CARMIL1: variants seen among roughly 807,000 people sequenced by gnomAD.
CARMIL1 encodes the protein capping protein regulator and myosin 1 linker 1.
Under a neutral mutation model 177.1 loss-of-function variants are expected in CARMIL1, and 90 were observed. The ratio of observed to expected loss-of-function variants is 0.51; its 90% confidence interval spans 0.43 to 0.61. The LOEUF is 0.61. Among genes scored for constraint, CARMIL1 ranks in the 20% least tolerant of loss-of-function variants. CARMIL1 has a pLI of 0.00. For synonymous variants in CARMIL1, 577 were observed against 606.2 expected, an observed-to-expected ratio of 0.95 and a Z score of 0.71; for missense variants, 1,380 against 1,667.0, an observed-to-expected ratio of 0.83 and a Z score of 3.00.
intron 2 of CARMIL1, among the ~76,000 whole-genome samples, chr6:25,418,307 T>A (rs1254572443): frequency 2.6e-5 from 4 of 152,196 alleles, no homozygotes; most frequent in African/African-American, 9.6e-5. Flanking sequence ...TCTCCCCTAA[T>A]TATATGACCT....
chr6:25,607,225 T>C (rs1437201342), intron 35 of CARMIL1, among the ~76,000 whole-genome samples: 1 of 149,090 alleles, frequency 6.7e-6, no homozygotes, highest in Non-Finnish European at 1.5e-5. Flanking sequence ...TTTTTTTTTT[T>C]TAATTTAACT....
intron 29 of CARMIL1, among the ~76,000 whole-genome samples, chr6:25,573,572 G>A (rs992920385): frequency 7.8e-4 from 112 of 142,822 alleles, no homozygotes; most frequent in Middle Eastern, 3.9e-3. Flanking sequence ...ATAAGAAAAC[G>A]GAGGGTTTAC....
chr6:25,463,087 A>G (rs1225192227), intron 8 of CARMIL1, among the ~76,000 whole-genome samples: 1 of 152,218 alleles, frequency 6.6e-6, no homozygotes, highest in Non-Finnish European at 1.5e-5. Flanking sequence ...AAGTTTGTTT[A>G]TATCATCCAT....
chr6:25,522,054 T>C (rs187698997), intron 23 of CARMIL1, among the ~76,000 whole-genome samples: 1 of 152,308 alleles, frequency 6.6e-6, no homozygotes, highest in Non-Finnish European at 1.5e-5. Context: ...TCCTCTATCA[T>C]TTCTTCCTTA....
intron 9 of CARMIL1, among the ~76,000 whole-genome samples, chr6:25,469,164 TAGAA>T (rs1412359959): frequency 1.3e-5 from 2 of 152,196 alleles, no homozygotes; most frequent in East Asian, 1.9e-4. Flanking sequence ...TGGGACACAT[TAGAA>T]ACCCAGCAAT....
intron 11 of CARMIL1, among the ~76,000 whole-genome samples, chr6:25,479,488 G>A (rs139816098): frequency 4.7e-4 from 71 of 152,130 alleles, no homozygotes; most frequent in Non-Finnish European, 9.1e-4. Context: ...ATAATTCAAC[G>A]CCTGTAAGAT....
At position 25,517,433 on chromosome 6, in the gene CARMIL1, T is replaced by C. The variant is rs1454527728; in HGVS notation, c.1874+18T>C. The stretch of plus-strand genomic sequence containing the variant: ...ATGGAAAAGTAAGTTTGAATTAGGA[T>C]TTCTTTCTAGGAAAATAAAAAAACA... On this transcript the variant is annotated intron_variant, in intron 22 of 36. Coordinates refer to ENST00000329474, the MANE Select transcript of CARMIL1 (RefSeq NM_017640.6). 2 of 1,605,048 alleles carry C rather than the reference T, an allele frequency of 1.2e-6. No individual in the cohort carries two copies. Among genetic ancestry groups the C allele is most frequent in the South Asian group, 2.2e-5 (2 of 90,782 alleles).
In CARMIL1 at chr6:25,581,290, A is replaced by G. The variant is rs758036934; in HGVS notation, c.2857A>G (p.Ile953Val). The G allele has an allele frequency of 5.0e-6, 8 of 1,613,862 alleles. No homozygotes were observed. The South Asian group carries it at 7.7e-5, about 16-fold the overall frequency. Residue 953 changes from isoleucine to valine, a missense_variant, in exon 31 of 37, where the codon ATC becomes GTC. By Grantham distance (29) the Ile-to-Val change is conservative (BLOSUM62 3). Transcript: ENST00000329474. ...AGCGCTGGAAGAGGTACCAATTCAC[A>G]TCGAAGACCCGCCCTTCCCATCCCT... The part of the protein sequence containing the change: ...DKALEEVPIH[I>V]EDPPFPSLRQ...
At chr6:25,502,046 C>T (rs949449126) in intron 17 of CARMIL1, among the ~76,000 whole-genome samples, 3 of 146,028 alleles carry the variant, frequency 2.1e-5, no homozygotes, top group South Asian at 2.2e-4. Flanking sequence ...ACTAACCTTG[C>T]GTTGTGGAAT....
At chr6:25,432,903 T>A (rs1485757168) in intron 4 of CARMIL1, 1 of 87,210 alleles carries the variant, frequency 1.1e-5, no homozygotes, top group African/African-American at 3.1e-5. Flanking sequence ...ATGGCTTATA[T>A]CTCTATTATT....
intron 8 of CARMIL1, among the ~76,000 whole-genome samples, chr6:25,459,277 T>TCTTTCTTTCCTTCCTTCCTTCCTTCC (rs1450322009): frequency 7.2e-6 from 1 of 139,594 alleles, no homozygotes; most frequent in Non-Finnish European, 1.6e-5. Context: ...TTTTTTTTTT[T>TCTTTCTTTCCTTCCTTCCTTCCTTCC]TTTAAGACAG....
chr6:25,596,587 G>T (rs909052517), intron 32 of CARMIL1, among the ~76,000 whole-genome samples: 3 of 151,802 alleles, frequency 2.0e-5, no homozygotes, highest in African/African-American at 7.3e-5. Context: ...TACTGTAACC[G>T]CTAACTTCTT....
intron 31 of CARMIL1, among the ~76,000 whole-genome samples, chr6:25,582,893 C>T (rs530377632): frequency 6.6e-6 from 1 of 152,272 alleles, no homozygotes; most frequent in East Asian, 1.9e-4. Context: ...AGTATGCCAA[C>T]CCTGTGAGTC....
At chr6:25,305,619 T>G (rs1360701794) in intron 2 of CARMIL1, among the ~76,000 whole-genome samples, 1 of 152,252 alleles carries the variant, frequency 6.6e-6, no homozygotes, top group Non-Finnish European at 1.5e-5. Flanking sequence ...TCCATGGCTT[T>G]TAGACCCTTA....
At chr6:25,312,925 A>C (rs2328852) in intron 2 of CARMIL1, among the ~76,000 whole-genome samples, 75,934 of 147,996 alleles carry the variant, frequency 0.51, 19,637 homozygotes, top group Middle Eastern at 0.56. Context: ...AAAAAAAAAA[A>C]AAAAAACCAG....
intron 2 of CARMIL1, among the ~76,000 whole-genome samples, chr6:25,320,278 C>T (rs1784582337): frequency 6.6e-6 from 1 of 152,078 alleles, no homozygotes; most frequent in Non-Finnish European, 1.5e-5. Context: ...GGTTCTTTGG[C>T]CACATCTACC....
At chr6:25,549,231 C>A (rs1809823586) in intron 26 of CARMIL1, among the ~76,000 whole-genome samples, 1 of 152,186 alleles carries the variant, frequency 6.6e-6, no homozygotes, top group East Asian at 1.9e-4. Flanking sequence ...GGCTTCCTCC[C>A]TTTAGGTGTG....
At chr6:25,376,039 T>G (rs1377342082) in intron 2 of CARMIL1, among the ~76,000 whole-genome samples, 1 of 152,218 alleles carries the variant, frequency 6.6e-6, no homozygotes, top group African/African-American at 2.4e-5. Flanking sequence ...GTGTGATCTT[T>G]TGGGGTTGTT....
chr6:25,352,507 A>G (rs1788211382), intron 2 of CARMIL1, among the ~76,000 whole-genome samples: 1 of 152,196 alleles, frequency 6.6e-6, no homozygotes, highest in African/African-American at 2.4e-5. Context: ...GGACTTTATC[A>G]TTCTCCCTTG....
Sources: allele counts gnomAD v4.1 joint callset (sites outside exome capture counted in the v4.1 genomes callset), GRCh38; gene constraint gnomAD v4.1.1; transcripts MANE v1.5; gene names NCBI Gene and HGNC (gene_info 2026-07-23, HGNC 2026-07-21).